ROBO1: variants seen among roughly 807,000 people sequenced by gnomAD.
ROBO1 encodes the protein roundabout guidance receptor 1, also known as roundabout homolog 1.
A neutral mutation model predicts 195.9 loss-of-function variants in ROBO1; 149 were observed. The ratio of observed to expected loss-of-function variants is 0.76; its 90% CI spans 0.67 to 0.87. The LOEUF is 0.87. Among genes scored for constraint, ROBO1 ranks in the 40% least tolerant of loss-of-function variants. The probability of loss-of-function intolerance (pLI) is 0.00; values close to 1 mark genes in which losing one functional copy is unlikely to be tolerated. For missense variants in ROBO1, 1,933 were observed against 2,068.3 expected (o/e 0.93, Z 1.27); for synonymous variants, 816 against 733.2 (o/e 1.11, Z -1.82).
At chr3:78,939,382 A>AG (rs2039999911) in intron 3 of ROBO1, among the ~76,000 whole-genome samples, 1 of 151,596 alleles carries the variant, frequency 6.6e-6, no homozygotes, top group African/African-American at 2.4e-5. Context: ...TGGGGGGCCG[A>AG]GGCGGGCGGA....
At position 78,633,963 on chromosome 3, in the gene ROBO1, G is replaced by A; in HGVS notation, c.3453C>T (p.Asn1151=). The A allele has an allele frequency of 6.2e-7, 1 of 1,612,408 alleles. No individual in the cohort carries two copies. Among genetic ancestry groups the A allele is most frequent in the Non-Finnish European group, 8.5e-7 (1 of 1,178,804 alleles). The change falls in exon 24 of 31, where the codon AAC becomes AAT. Residue 1151 remains asparagine (N), a synonymous_variant. Transcript: ENST00000464233. The stretch of plus-strand genomic sequence containing the variant: ...ATGTACTACTGCCCCGGTCTGAGCT[G>A]TTGTAGGATCCTCCTGTGTTCTGGT... ...SYDQNTGGSY[N]SSDRGSSTSG...
chr3:79,441,631 G>A (rs992466697), intron 2 of ROBO1, among the ~76,000 whole-genome samples: 7 of 151,870 alleles, frequency 4.6e-5, no homozygotes, highest in African/African-American at 1.5e-4. Flanking sequence ...ACTTCATCTT[G>A]AATTTCTATC....
intron 2 of ROBO1, among the ~76,000 whole-genome samples, chr3:79,581,213 C>CT (rs1208019598): frequency 1.3e-5 from 2 of 152,058 alleles, no homozygotes; most frequent in African/African-American, 4.8e-5. Context: ...CATATAGCCT[C>CT]CATCAGTCAT....
intron 1 of ROBO1, among the ~76,000 whole-genome samples, chr3:79,599,907 C>G (rs1012360719): frequency 4.6e-5 from 7 of 151,408 alleles, no homozygotes; most frequent in African/African-American, 1.7e-4. Flanking sequence ...TTTTCTTTTT[C>G]TTTCTTATTT....
At chr3:79,759,770 AC>A (rs2107514561) in intron 1 of ROBO1, among the ~76,000 whole-genome samples, 1 of 152,310 alleles carries the variant, frequency 6.6e-6, no homozygotes, top group Non-Finnish European at 1.5e-5. Context: ...AACCAACCTG[AC>A]AGACAATAAC....
At chr3:78,919,719 G>C (rs185390373) in intron 4 of ROBO1, among the ~76,000 whole-genome samples, 9 of 152,296 alleles carry the variant, frequency 5.9e-5, no homozygotes, top group Middle Eastern at 3.4e-3. Context: ...AAAAGTTGAG[G>C]AAGGTAAATC....
intron 1 of ROBO1, among the ~76,000 whole-genome samples, chr3:79,753,241 C>A (rs138897061): frequency 2.0e-5 from 3 of 152,018 alleles, no homozygotes; most frequent in Middle Eastern, 3.4e-3. Context: ...GTTCACATTC[C>A]CAGCAATTCT....
intron 2 of ROBO1, among the ~76,000 whole-genome samples, chr3:79,538,813 T>C (rs1282509376): frequency 1.3e-5 from 2 of 152,192 alleles, no homozygotes; most frequent in Admixed American, 1.3e-4. Context: ...TAATGATTCC[T>C]TTTAGAGTTG....
intron 3 of ROBO1, among the ~76,000 whole-genome samples, chr3:79,009,172 T>A (rs1471501061): frequency 2.0e-5 from 3 of 147,470 alleles, no homozygotes; most frequent in Non-Finnish European, 4.5e-5. Context: ...CAGGCTGGTT[T>A]CAAACTGCTG....
At chr3:79,366,312 T>C (rs2035974558) in intron 2 of ROBO1, among the ~76,000 whole-genome samples, 1 of 152,194 alleles carries the variant, frequency 6.6e-6, no homozygotes, top group South Asian at 2.1e-4. Context: ...ATTGGGAGTA[T>C]GGGAGGGCAA....
At chr3:79,647,519 C>T (rs1029665344) in intron 1 of ROBO1, among the ~76,000 whole-genome samples, 5 of 151,936 alleles carry the variant, frequency 3.3e-5, no homozygotes, top group Admixed American at 1.3e-4. Context: ...GGCAATTTTC[C>T]CCACACAGTG....
intron 1 of ROBO1, among the ~76,000 whole-genome samples, chr3:79,683,914 C>T (rs1007685015): frequency 5.3e-5 from 8 of 151,944 alleles, no homozygotes; most frequent in African/African-American, 1.4e-4. Context: ...TGAATATTCC[C>T]GTACACGTTT....
chr3:78,849,448 C>T (rs1439822033), intron 4 of ROBO1, among the ~76,000 whole-genome samples: 1 of 152,060 alleles, frequency 6.6e-6, no homozygotes, highest in Non-Finnish European at 1.5e-5. Flanking sequence ...AGCACTTTCA[C>T]ATGTCTGGCT....
chr3:78,818,122 T>C (rs1037874911), intron 4 of ROBO1, among the ~76,000 whole-genome samples: 4 of 152,122 alleles, frequency 2.6e-5, no homozygotes, highest in African/African-American at 7.2e-5. Context: ...CTCCTACCTC[T>C]CCTCCCTCAA....
At chr3:79,307,479 A>T (rs1021387529) in intron 2 of ROBO1, among the ~76,000 whole-genome samples, 1 of 152,134 alleles carries the variant, frequency 6.6e-6, no homozygotes, top group African/African-American at 2.4e-5. Flanking sequence ...ACTGAAATAA[A>T]CTGCACATTT....
At chr3:79,545,100 A>G (rs796265726) in intron 2 of ROBO1, among the ~76,000 whole-genome samples, 1 of 152,230 alleles carries the variant, frequency 6.6e-6, no homozygotes, top group South Asian at 2.1e-4. Flanking sequence ...TAGAATTAAA[A>G]AAAGAAAAAA....
At chr3:79,412,033 A>G (rs1391729605) in intron 2 of ROBO1, among the ~76,000 whole-genome samples, 1 of 152,086 alleles carries the variant, frequency 6.6e-6, no homozygotes, top group Non-Finnish European at 1.5e-5. Flanking sequence ...CAGCCATGCC[A>G]GGTAAAAATA....
At chr3:79,753,959 G>C (rs1704253708) in intron 1 of ROBO1, among the ~76,000 whole-genome samples, 1 of 152,166 alleles carries the variant, frequency 6.6e-6, no homozygotes, top group African/African-American at 2.4e-5. Flanking sequence ...TCTACCATTG[G>C]TTGAGGGTGA....
intron 2 of ROBO1, among the ~76,000 whole-genome samples, chr3:79,253,072 G>A (rs548132917): frequency 4.5e-4 from 68 of 152,212 alleles, no homozygotes; most frequent in African/African-American, 1.6e-3. Context: ...TTTATATACT[G>A]TGCAGAAATA....
Sources: allele counts gnomAD v4.1 joint callset (sites outside exome capture counted in the v4.1 genomes callset), GRCh38; gene constraint gnomAD v4.1.1; transcripts MANE v1.5; gene names NCBI Gene and HGNC (gene_info 2026-07-23, HGNC 2026-07-21).